GCFC2: variants seen among roughly 807,000 people sequenced by gnomAD.
The protein encoded by GCFC2 is intron Large complex component GCFC2.
GCFC2 carries 102 observed loss-of-function variants against 99.4 expected under a neutral mutation model. That is an observed-to-expected ratio of 1.03 (90% CI 0.87 to 1.21). The LOEUF (loss-of-function observed/expected upper bound fraction) is 1.21, where lower values mean the gene tolerates loss of function less well. GCFC2 is among the 50% of genes most tolerant of loss of function. The pLI, the probability that GCFC2 is intolerant of heterozygous loss-of-function variation, is 0.00. For synonymous variants in GCFC2, 338 were observed against 316.8 expected, an observed-to-expected ratio of 1.07 and a Z score of -0.71; for missense variants, 973 against 920.9, an observed-to-expected ratio of 1.06 and a Z score of -0.73.
intron 14 of GCFC2, among the ~76,000 whole-genome samples, 172 bp downstream of exon 14, chr2:75,671,778 C>T (rs1172205794): frequency 1.3e-5 from 2 of 152,170 alleles, no homozygotes; most frequent in East Asian, 3.8e-4. Context: ...TGTTTATGTA[C>T]TATGACTGTT....
At chr2:75,699,011 C>CAA (rs57676585) in intron 4 of GCFC2, among the ~76,000 whole-genome samples, 1,265 of 84,436 alleles carry the variant, frequency 0.015, 22 homozygotes, top group African/African-American at 0.047. Context: ...AACTCTGTCT[C>CAA]AAAAAAAAAA....
At position 75,690,651 on chromosome 2, in the gene GCFC2, T is replaced by C. The variant is rs891027798; in HGVS notation, c.1213A>G (p.Ile405Val). 9 of 1,494,278 alleles carry C rather than the reference T, an allele frequency of 6.0e-6. No homozygotes were observed. The highest frequency in any genetic ancestry group is 1.4e-5 in the African/African-American group (1 of 72,504). 92.6% of individuals were successfully genotyped at this position (1,494,278 alleles called of 1,614,324 possible). Residue 405 changes from isoleucine (I) to valine (V), a missense_variant, in exon 8 of 17, where the codon ATT becomes GTT. Coordinates refer to ENST00000321027, the MANE Select transcript of GCFC2 (RefSeq NM_003203.5). ...DEKTQWILEE[I>V]ESRRTKRRQA... Reference sequence around the variant, plus strand: ...TTATATAGGTACCTTCGAGATTCAATCTCTTCTAAAATCCACTGAGTTTTT... The same window carrying C: ...TTATATAGGTACCTTCGAGATTCAACCTCTTCTAAAATCCACTGAGTTTTT...
At chr2:75,711,779 C>T (rs914829735), upstream of GCFC2, among the ~76,000 whole-genome samples, 1 of 152,240 alleles carries the variant, frequency 6.6e-6, no homozygotes, top group Admixed American at 6.5e-5. Context: ...GCGCTGTGCT[C>T]GATTTCTCGC....
At chr2:75,671,852 ACTAT>A (rs1484671751) in intron 14 of GCFC2, 94 bp downstream of exon 14, 1 of 559,810 alleles carries the variant, frequency 1.8e-6, no homozygotes, top group East Asian at 3.1e-5. Context: ...AGCCTAAAAT[ACTAT>A]CTAATTCTTA....
chr2:75,680,243 T>C lies in GCFC2; in HGVS notation c.1762A>G (p.Ile588Val), dbSNP rs780460875. The C allele has an allele frequency of 6.2e-7, 1 of 1,604,784 alleles. No homozygotes were observed. Residue 588 changes from isoleucine (I) to valine (V), a missense_variant, in exon 12 of 17, where the codon ATT (isoleucine) becomes GTT (valine). Transcript: ENST00000321027. ...TCACAAGTGGAATGTTCTTCAAGAA[T>C]CACTCTGCAATGTGTTATTAAACTT... ...TTSLITHCRV[I>V]LEEHSTCENE...
At chr2:75,676,964 C>CA (rs1679369972) in intron 12 of GCFC2, among the ~76,000 whole-genome samples, 1 of 152,124 alleles carries the variant, frequency 6.6e-6, no homozygotes, top group Non-Finnish European at 1.5e-5. Flanking sequence ...TTGAACAGGG[C>CA]AAAGCTGAGA....
At chr2:75,692,593 G>C (rs1680134339) in intron 6 of GCFC2, among the ~76,000 whole-genome samples, 4 of 151,764 alleles carry the variant, frequency 2.6e-5, no homozygotes, top group Admixed American at 2.6e-4. Context: ...GTTACAGTGA[G>C]CTGAGATCAC....
chr2:75,710,923 C>G (rs910969832), upstream of GCFC2: 2 of 1,400,694 alleles, frequency 1.4e-6, no homozygotes, highest in African/African-American at 3.1e-5. Context: ...AGTGCCCGCC[C>G]CCTAGGGCGC....
chr2:75,710,310 A>G (rs1412087487), intron 1 of GCFC2: 1 of 495,340 alleles, frequency 2.0e-6, no homozygotes, highest in Admixed American at 4.4e-5. Flanking sequence ...TGTGTTAGTT[A>G]TAACTGATGG....
At position 75,664,699 on chromosome 2, in the gene GCFC2, T is replaced by C; in HGVS notation, c.2313A>G (p.Leu771=). 1 of 1,521,538 alleles carries C rather than the reference T, an allele frequency of 6.6e-7. No individual in the cohort carries two copies. Among genetic ancestry groups the C allele is most frequent in the African/African-American group, 1.4e-5 (1 of 73,234 alleles). The allele number at this position is 1,521,538 out of a possible 1,614,324, so 94.3% of individuals were successfully genotyped here. A position where few individuals can be genotyped will look rare whatever the true frequency, so the allele number is the denominator to read the frequency against. ...CTTTAATTAGTGATTTAAGATGGTCTAGGTGATGCTCTCCTATGAAGGATT... is the reference window on the plus strand; with the variant it reads ...CTTTAATTAGTGATTTAAGATGGTCCAGGTGATGCTCTCCTATGAAGGATT... The part of the protein sequence containing the change: ...QAESFIGEHH[L]DHLKSLIKED Residue 771 remains leucine, a synonymous_variant, in exon 17 of 17, where the codon CTA becomes CTG. Transcript: ENST00000321027.
At position 75,694,345 on chromosome 2, in the gene GCFC2, T is replaced by A; in HGVS notation, c.916A>T (p.Thr306Ser). 1 of 1,500,350 alleles carries A rather than the reference T, an allele frequency of 6.7e-7. No individual in the cohort carries two copies. 92.9% of individuals were successfully genotyped at this position (1,500,350 alleles called of 1,614,324 possible). ...GATGAACTCTCTAGGTTCTGGATGG[T>A]ACTCTTTGAGCTTTTGACATCTTGT... ...YVQDVKSSKS[T>S]IQNLESSSNQ... Residue 306 changes from threonine to serine, a missense_variant, in exon 6 of 17, where the codon ACC becomes TCC. Transcript: ENST00000321027.
intron 13 of GCFC2, among the ~76,000 whole-genome samples, chr2:75,673,240 G>A (rs975708371): frequency 1.3e-5 from 2 of 151,948 alleles, no homozygotes; most frequent in African/African-American, 2.4e-5. Flanking sequence ...CCTGGGAGGC[G>A]GAGCTTGCAG....
chr2:75,712,760 G>A (rs1428411605), upstream of GCFC2, among the ~76,000 whole-genome samples: 1 of 152,048 alleles, frequency 6.6e-6, no homozygotes, highest in Non-Finnish European at 1.5e-5. Context: ...AAACACATCT[G>A]AACATCAGAA....
chr2:75,677,639 T>G (rs1205348608), intron 12 of GCFC2, among the ~76,000 whole-genome samples: 1 of 152,222 alleles, frequency 6.6e-6, no homozygotes, highest in Non-Finnish European at 1.5e-5. Flanking sequence ...CTCCTGCTTA[T>G]GAAAACAACC....
chr2:75,666,823 C>T (rs944417564), intron 15 of GCFC2, among the ~76,000 whole-genome samples: 2 of 152,008 alleles, frequency 1.3e-5, no homozygotes, highest in Admixed American at 1.3e-4. Context: ...AGTATGGCTG[C>T]CTGCTCTTGA....
chr2:75,701,747 G>GAGAAATATGAAATGAGAAATATGAAATAT (rs1680601395), intron 3 of GCFC2: 1 of 428,200 alleles, frequency 2.3e-6, no homozygotes, highest in African/African-American at 2.1e-5. Context: ...TTGGTCAAAT[G>GAGAAATATGAAATGAGAAATATGAAATAT]CATATATCAT....
At chr2:75,676,058 A>C (rs1679324775) in intron 12 of GCFC2, among the ~76,000 whole-genome samples, 1 of 152,206 alleles carries the variant, frequency 6.6e-6, no homozygotes, top group African/African-American at 2.4e-5. Context: ...TTGGGGAAGA[A>C]TAAAGGCAGG....
intron 15 of GCFC2, among the ~76,000 whole-genome samples, chr2:75,667,454 C>G (rs1678896260): frequency 1.3e-5 from 2 of 152,282 alleles, no homozygotes; most frequent in South Asian, 4.1e-4. Flanking sequence ...TGCGCTCTTT[C>G]TAAGATTGGT....
In GCFC2 at chr2:75,680,184, AATT is replaced by A. The variant is rs1196877627; in HGVS notation, c.1812+6_1812+8del. ...AGATCATGGAGTTCGCAACTCTAGAAATTATTACCTGTCTGCTTTTACTAACTT... is the reference window on the plus strand; with the variant it reads ...AGATCATGGAGTTCGCAACTCTAGAAATTACCTGTCTGCTTTTACTAACTT... On this transcript the variant is annotated splice_donor_region_variant and intron_variant, in intron 12 of 16. Transcript: ENST00000321027. 1.3e-6 allele frequency: 2 copies of A among 1,593,732 alleles called. No homozygotes were observed. The highest frequency in any genetic ancestry group is 2.2e-5 in the East Asian group (1 of 44,660).
Sources: gnomAD v4.1 joint callset for allele counts (sites outside exome capture counted in the v4.1 genomes callset) on GRCh38, gnomAD v4.1.1 for gene constraint, MANE v1.5 for transcripts, NCBI Gene and HGNC (gene_info 2026-07-23, HGNC 2026-07-21) for gene names.